Variants in TMEM41B observed in about 807,000 individuals in gnomAD.
TMEM41B encodes protein stasimon.
TMEM41B carries 18 observed loss-of-function variants against 31.9 expected under a neutral mutation model. That is an observed-to-expected ratio of 0.56 (90% CI 0.39 to 0.84). The LOEUF (loss-of-function observed/expected upper bound fraction) is 0.84, where lower values mean the gene tolerates loss of function less well. Among genes scored for constraint, TMEM41B ranks in the 40% least tolerant of loss-of-function variants. The pLI, the probability that TMEM41B is intolerant of heterozygous loss-of-function variation, is 0.00. For synonymous variants in TMEM41B, 144 were observed against 124.3 expected, an observed-to-expected ratio of 1.16 and a Z score of -1.05; for missense variants, 322 against 348.0, an observed-to-expected ratio of 0.93 and a Z score of 0.59.
At chr11:9,290,058 CACAA>C (rs765652695) in intron 3 of TMEM41B, among the ~76,000 whole-genome samples, 4 of 150,348 alleles carry the variant, frequency 2.7e-5, no homozygotes, top group Non-Finnish European at 5.9e-5. Context: ...CACACACACA[CACAA>C]ACACACACAC....
intron 3 of TMEM41B, among the ~76,000 whole-genome samples, chr11:9,294,166 G>T: frequency 7.7e-6 from 1 of 130,026 alleles, no homozygotes; most frequent in Non-Finnish European, 1.6e-5. Flanking sequence ...GGGTGACAGG[G>T]GGAGAACCTG....
At chr11:9,289,443 T>C (rs1309456927) in intron 3 of TMEM41B, among the ~76,000 whole-genome samples, 2 of 152,142 alleles carry the variant, frequency 1.3e-5, no homozygotes, top group Non-Finnish European at 2.9e-5. Flanking sequence ...TCCTCACTCA[T>C]TAACTATTCC....
intron 2 of TMEM41B, among the ~76,000 whole-genome samples, chr11:9,298,700 G>A (rs1009937692): frequency 6.6e-6 from 1 of 151,674 alleles, no homozygotes; most frequent in Non-Finnish European, 1.5e-5. Flanking sequence ...AGGAGAGGAG[G>A]CAGAGATCAC....
intron 3 of TMEM41B, among the ~76,000 whole-genome samples, chr11:9,292,249 G>T (rs1852976428): frequency 1.3e-5 from 2 of 152,152 alleles, no homozygotes; most frequent in South Asian, 4.1e-4. Context: ...GGTAGTTTAT[G>T]TTCTATCCTT....
chr11:9,311,286 G>A (rs1236800930), intron 1 of TMEM41B: 36 of 1,514,732 alleles, frequency 2.4e-5, no homozygotes, highest in Non-Finnish European at 3.1e-5. Context: ...TATTCAGTCA[G>A]AATCACTGCT....
intron 4 of TMEM41B, chr11:9,288,115 AC>A (rs11327512): frequency 0.63 from 186,343 of 297,718 alleles, 59,603 homozygotes; most frequent in Non-Finnish European, 0.68. Flanking sequence ...CCTACCCCCG[AC>A]CCCCCCAGTT....
In TMEM41B at chr11:9,287,801, A is replaced by G; in HGVS notation, c.468T>C (p.Ser156=). The G allele has an allele frequency of 1.2e-6, 2 of 1,608,580 alleles. No homozygotes were observed. The highest frequency in any genetic ancestry group is 1.7e-6 in the Non-Finnish European group (2 of 1,177,870). The change falls in exon 5 of 7, where the codon TCT becomes TCC. Residue 156 remains serine (S), a synonymous_variant. Transcript: ENST00000528080. ...PLALFLVCLC[S]GLGASFCYML... is the part of the protein sequence containing the mutation. ...TATAACAGAAAGAGGCACCAAGTCC[A>G]GAACACTGGAAAACAAAAGAAGCCA...
At position 9,280,854 on chromosome 11, in the gene TMEM41B, TACC is replaced by T. The variant is rs1852704680; in HGVS notation, c.*2567_*2569del. 1 of 152,216 alleles carries T rather than the reference TACC, an allele frequency of 6.6e-6. No individual in the cohort carries two copies. The highest frequency in any genetic ancestry group is 2.4e-5 in the African/African-American group (1 of 41,458). 9.4% of individuals were successfully genotyped at this position (152,216 alleles called of 1,614,324 possible). A position where few individuals can be genotyped will look rare whatever the true frequency, so the allele number is the denominator to read the frequency against. On this transcript the variant is annotated 3_prime_UTR_variant, in exon 7 of 7. Transcript: ENST00000528080. ...CAGATGCTTGTCTTCTTGTGGTTGT[TACC>T]ACAAGCCAAAGCTTGAATTTACATG...
At chr11:9,314,235 T>A in intron 1 of TMEM41B, 86 bp downstream of exon 1, 1 of 1,434,586 alleles carries the variant, frequency 7.0e-7, no homozygotes. Context: ...TCCCCGCGAC[T>A]CTCCGAGAAT....
chr11:9,299,760 A>G, intron 1 of TMEM41B, 59 bp from the exon 2 acceptor site: 1 of 1,210,408 alleles, frequency 8.3e-7, no homozygotes, highest in Non-Finnish European at 1.2e-6. Flanking sequence ...GCTAGCAAAT[A>G]ATTTCTGTAC....
At chr11:9,284,187 C>G (rs1469492017) in intron 6 of TMEM41B, among the ~76,000 whole-genome samples, 1 of 151,994 alleles carries the variant, frequency 6.6e-6, no homozygotes, top group Non-Finnish European at 1.5e-5. Context: ...CTCTATCGCA[C>G]AGGCTTGAGT....
At chr11:9,314,173 C>G (rs1461330920) in intron 1 of TMEM41B, 148 bp downstream of exon 1, 16 of 1,069,268 alleles carry the variant, frequency 1.5e-5, no homozygotes, top group Non-Finnish European at 1.9e-5. Flanking sequence ...CGCCCAAGCC[C>G]AACTCCCCCA....
chr11:9,293,740 G>A (rs1223719832), intron 3 of TMEM41B, among the ~76,000 whole-genome samples: 1 of 151,878 alleles, frequency 6.6e-6, no homozygotes, highest in East Asian at 1.9e-4. Flanking sequence ...CAATCACCAC[G>A]CCCAGCTAAT....
chr11:9,298,978 C>A (rs1853169705), intron 2 of TMEM41B, among the ~76,000 whole-genome samples: 1 of 151,486 alleles, frequency 6.6e-6, no homozygotes, highest in Admixed American at 6.6e-5. Flanking sequence ...GGATATTTTG[C>A]CCTTCTAAAA....
Position 9,283,170 on chromosome 11 carries a change from T to C in TMEM41B, c.*254A>G. The C allele has an allele frequency of 3.5e-6, 1 of 282,318 alleles. No individual in the cohort carries two copies. Among genetic ancestry groups the C allele is most frequent in the Non-Finnish European group, 6.5e-6 (1 of 154,578 alleles). The allele number at this position is 282,318 out of a possible 1,614,324, so 17.5% of individuals were successfully genotyped here. ...ACACTACTATTATCTACAGCTACCC[T>C]TGGTATAATAATTTATAAGATGTCT... On this transcript the variant is annotated 3_prime_UTR_variant, in exon 7 of 7. Coordinates refer to ENST00000528080, the MANE Select transcript of TMEM41B (RefSeq NM_015012.4).
At chr11:9,307,866 C>T (rs927489533) in intron 1 of TMEM41B, among the ~76,000 whole-genome samples, 1 of 152,132 alleles carries the variant, frequency 6.6e-6, no homozygotes, top group Admixed American at 6.5e-5. Flanking sequence ...CTGCCTCAGC[C>T]TCCCAAGTAG....
At chr11:9,300,645 G>A (rs990033268) in intron 1 of TMEM41B, among the ~76,000 whole-genome samples, 3 of 152,076 alleles carry the variant, frequency 2.0e-5, no homozygotes, top group Non-Finnish European at 2.9e-5. Context: ...TTGGGAGGCC[G>A]AAGCGGGCAG....
chr11:9,311,612 A>G (rs906654944), intron 1 of TMEM41B: 30 of 989,660 alleles, frequency 3.0e-5, no homozygotes, highest in Non-Finnish European at 4.3e-5. Context: ...GTGAGTGGGC[A>G]GGATTGGAAC....
At chr11:9,291,330 C>T (rs960025819) in intron 3 of TMEM41B, among the ~76,000 whole-genome samples, 24 of 151,922 alleles carry the variant, frequency 1.6e-4, no homozygotes, top group African/African-American at 5.6e-4. Context: ...TGCAGTGGGC[C>T]GAGATCGCGT....
Sources: allele counts gnomAD v4.1 joint callset (sites outside exome capture counted in the v4.1 genomes callset), GRCh38; gene constraint gnomAD v4.1.1; transcripts MANE v1.5; gene names NCBI Gene and HGNC (gene_info 2026-07-23, HGNC 2026-07-21).